KCNQ5: variants seen among roughly 807,000 people sequenced by gnomAD.
KCNQ5 encodes potassium voltage-gated channel subfamily KQT member 5.
In KCNQ5, 30 loss-of-function variants were observed where a neutral mutation model predicts 98.2. The observed-to-expected ratio is 0.31, with a 90% CI of 0.23 to 0.41. The LOEUF (loss-of-function observed/expected upper bound fraction) is 0.41, where lower values mean the gene tolerates loss of function less well. Ranked by LOEUF, KCNQ5 falls within the 10% of genes least tolerant of loss-of-function variation. The pLI is 1.00. For missense variants in KCNQ5, 835 were observed against 1,182.5 expected (o/e 0.71, Z 4.31); for synonymous variants, 458 against 449.4 (o/e 1.02, Z -0.24).
intron 1 of KCNQ5, among the ~76,000 whole-genome samples, chr6:72,722,277 C>A (rs904390666): frequency 1.3e-5 from 2 of 152,230 alleles, no homozygotes; most frequent in Non-Finnish European, 2.9e-5. Flanking sequence ...TCCACTACTT[C>A]TATGACTTTT....
At chr6:73,178,223 ACTT>A (rs1269823147) in intron 11 of KCNQ5, among the ~76,000 whole-genome samples, 5 of 151,460 alleles carry the variant, frequency 3.3e-5, no homozygotes, top group African/African-American at 1.2e-4. Context: ...GGCAGGAAAG[ACTT>A]CTTCGGATCT....
intron 2 of KCNQ5, among the ~76,000 whole-genome samples, chr6:73,010,640 T>TAAAA (rs61014549): frequency 8.7e-4 from 118 of 135,938 alleles, no homozygotes; most frequent in African/African-American, 3.0e-3. Flanking sequence ...CCTGAAGATT[T>TAAAA]AAAAAAAAAA....
intron 1 of KCNQ5, among the ~76,000 whole-genome samples, chr6:72,838,260 C>T (rs1776603159): frequency 6.6e-6 from 1 of 151,922 alleles, no homozygotes; most frequent in Non-Finnish European, 1.5e-5. Flanking sequence ...TGATTGAATA[C>T]TTCCTTTGCT....
chr6:72,672,298 ATGT>A lies in KCNQ5; in HGVS notation c.398+49714_398+49716del, dbSNP rs533677028. Reference sequence around the variant, plus strand: ...ATTTTTGTAGAGACGGAGTTTCGCCATGTTGGGCAGACTTGTCTCAAACTCCTG... The same window carrying A: ...ATTTTTGTAGAGACGGAGTTTCGCCATGGGCAGACTTGTCTCAAACTCCTG... On this transcript the variant is annotated intron_variant, in intron 1 of 13. Transcript: ENST00000370398. Among the ~76,000 whole-genome samples, 198 of 151,928 alleles carry A rather than the reference ATGT, an allele frequency of 1.3e-3. 1 individual carries two copies. The highest frequency in any genetic ancestry group is 3.1e-3 in the Admixed American group (48 of 15,262).
intron 5 of KCNQ5, among the ~76,000 whole-genome samples, chr6:73,078,228 C>A (rs1773614275): frequency 6.6e-6 from 1 of 151,664 alleles, no homozygotes; most frequent in African/African-American, 2.4e-5. Flanking sequence ...TTTAAATGAT[C>A]AATTGTTGCA....
At chr6:72,817,893 C>CAAAAAAAG (rs1429832326) in intron 1 of KCNQ5, among the ~76,000 whole-genome samples, 1 of 146,134 alleles carries the variant, frequency 6.8e-6, no homozygotes, top group African/African-American at 2.5e-5. Flanking sequence ...GACTCTGACT[C>CAAAAAAAG]AAAAAAAGAA....
chr6:73,129,906 G>C, intron 9 of KCNQ5: 1 of 1,409,164 alleles, frequency 7.1e-7, no homozygotes, highest in Admixed American at 1.8e-5. Context: ...AACCTCAGGT[G>C]CATGACCAGG....
At chr6:73,138,409 G>T (rs1354829581) in intron 10 of KCNQ5, among the ~76,000 whole-genome samples, 1 of 152,206 alleles carries the variant, frequency 6.6e-6, no homozygotes, top group South Asian at 2.1e-4. Flanking sequence ...GCATTTGGGA[G>T]TGCCTTACAG....
intron 10 of KCNQ5, among the ~76,000 whole-genome samples, chr6:73,139,627 A>G (rs905276159): frequency 9.2e-5 from 14 of 152,196 alleles, no homozygotes; most frequent in Admixed American, 2.6e-4. Context: ...CATCATTTCC[A>G]TGAAACAACA....
At chr6:73,095,584 G>C (rs1339144253) in intron 5 of KCNQ5, among the ~76,000 whole-genome samples, 2 of 152,160 alleles carry the variant, frequency 1.3e-5, no homozygotes, top group African/African-American at 4.8e-5. Context: ...GCTGAAGGCT[G>C]TTGTTCAGAT....
intron 10 of KCNQ5, among the ~76,000 whole-genome samples, chr6:73,143,694 G>T (rs1776809043): frequency 6.6e-6 from 1 of 152,100 alleles, no homozygotes; most frequent in African/African-American, 2.4e-5. Flanking sequence ...CATGTTTCTG[G>T]GCATTTAGAA....
chr6:72,871,958 A>G (rs1029800790), intron 1 of KCNQ5, among the ~76,000 whole-genome samples: 1 of 152,206 alleles, frequency 6.6e-6, no homozygotes, highest in African/African-American at 2.4e-5. Context: ...CTCTTCCAGG[A>G]TAGGAGGCTT....
At chr6:72,830,474 G>T (rs1776207272) in intron 1 of KCNQ5, among the ~76,000 whole-genome samples, 1 of 152,156 alleles carries the variant, frequency 6.6e-6, no homozygotes, top group African/African-American at 2.4e-5. Flanking sequence ...ACAAAAACAA[G>T]GAATGGGGAA....
chr6:72,831,747 A>T (rs573207350), intron 1 of KCNQ5, among the ~76,000 whole-genome samples: 307 of 142,644 alleles, frequency 2.2e-3, no homozygotes, highest in African/African-American at 7.1e-3. Flanking sequence ...AAAATAAAAT[A>T]AAATTAACAG....
chr6:72,793,411 G>T (rs1420832686), intron 1 of KCNQ5, among the ~76,000 whole-genome samples: 1 of 152,142 alleles, frequency 6.6e-6, no homozygotes, highest in African/African-American at 2.4e-5. Flanking sequence ...TGCAGCAGTT[G>T]CAGTTGCGAG....
At chr6:73,145,864 T>TA (rs1419847399) in intron 10 of KCNQ5, among the ~76,000 whole-genome samples, 1 of 152,124 alleles carries the variant, frequency 6.6e-6, no homozygotes, top group African/African-American at 2.4e-5. Flanking sequence ...TCAAGAAACT[T>TA]ACAGTCATGT....
chr6:72,821,779 T>A (rs1775763087), intron 1 of KCNQ5, among the ~76,000 whole-genome samples: 1 of 152,182 alleles, frequency 6.6e-6, no homozygotes, highest in East Asian at 1.9e-4. Context: ...GTTGCATTTC[T>A]TGGGGCCTGG....
chr6:72,802,174 GC>G (rs1186614481), intron 1 of KCNQ5, among the ~76,000 whole-genome samples: 21 of 152,076 alleles, frequency 1.4e-4, no homozygotes, highest in Non-Finnish European at 4.4e-5. Flanking sequence ...ATGTTGGCCT[GC>G]CTTGCTAGAT....
chr6:73,137,516 C>T (rs1032057849), intron 10 of KCNQ5, among the ~76,000 whole-genome samples: 1 of 152,142 alleles, frequency 6.6e-6, no homozygotes, highest in African/African-American at 2.4e-5. Context: ...TAACCCTCTT[C>T]ACATAATTTT....
Sources: gnomAD v4.1 joint callset for allele counts (sites outside exome capture counted in the v4.1 genomes callset) on GRCh38, gnomAD v4.1.1 for gene constraint, MANE v1.5 for transcripts, NCBI Gene and HGNC (gene_info 2026-07-23, HGNC 2026-07-21) for gene names.